The following ASAP1 variants were observed in gnomAD, a reference collection of about 807,000 sequenced individuals.
The protein encoded by ASAP1 is arf-GAP with SH3 domain, ANK repeat and PH domain-containing protein 1.
ASAP1 carries 43 observed loss-of-function variants against 145.2 expected under a neutral mutation model. That is an observed-to-expected ratio of 0.30 (90% CI 0.23 to 0.38). The LOEUF (loss-of-function observed/expected upper bound fraction) is 0.38, where lower values mean the gene tolerates loss of function less well. Among genes scored for constraint, ASAP1 ranks in the 10% least tolerant of loss-of-function variants. The pLI is 1.00. For synonymous variants in ASAP1, 546 were observed against 515.5 expected (o/e 1.06, Z -0.80); for missense variants, 1,018 against 1,355.3 (o/e 0.75, Z 3.91).
intron 3 of ASAP1, among the ~76,000 whole-genome samples, chr8:130,298,881 T>C (rs2137393040): frequency 6.6e-6 from 1 of 152,276 alleles, no homozygotes; most frequent in East Asian, 1.9e-4. Context: ...CTCCTGTTTA[T>C]TCATATGTCT....
chr8:130,256,739 T>TTATATATATATATATA (rs58245112), intron 3 of ASAP1, among the ~76,000 whole-genome samples: 6 of 95,892 alleles, frequency 6.3e-5, no homozygotes, highest in African/African-American at 1.3e-4. Flanking sequence ...ATACACATTC[T>TTATATATATATATATA]TATATATATA....
chr8:130,080,459 C>A (rs954723533), intron 25 of ASAP1, among the ~76,000 whole-genome samples: 18 of 148,178 alleles, frequency 1.2e-4, no homozygotes, highest in Non-Finnish European at 4.5e-5. Context: ...CACTTACTGA[C>A]TCGTCATTCA....
At position 130,187,247 on chromosome 8, in the gene ASAP1, A is replaced by G. The variant is rs1814796723; in HGVS notation, c.519T>C (p.Tyr173=). Residue 173 remains tyrosine, a synonymous_variant, in exon 7 of 30, where the codon TAT becomes TAC. Coordinates refer to ENST00000518721, the MANE Select transcript of ASAP1 (RefSeq NM_018482.4). Reference sequence around the variant, plus strand: ...AAAAAACCACTTACAACTTTGTCTCATAATCTTTCCAGGCTTTGTCAAATG... The same window carrying G: ...AAAAAACCACTTACAACTTTGTCTCGTAATCTTTCCAGGCTTTGTCAAATG... ...KKPFDKAWKD[Y]ETKFTKIEKE... is the part of the protein sequence containing the mutation. 2 of 1,608,846 alleles carry G rather than the reference A, an allele frequency of 1.2e-6. No individual in the cohort carries two copies. Among genetic ancestry groups the G allele is most frequent in the African/African-American group, 1.3e-5 (1 of 74,744 alleles).
At chr8:130,307,282 A>G (rs1042940860) in intron 3 of ASAP1, among the ~76,000 whole-genome samples, 4 of 151,354 alleles carry the variant, frequency 2.6e-5, no homozygotes, top group Non-Finnish European at 5.9e-5. Flanking sequence ...TATTTCTTGA[A>G]TAAGTGAATA....
intron 7 of ASAP1, among the ~76,000 whole-genome samples, chr8:130,182,762 A>C (rs1210088103): frequency 6.6e-6 from 1 of 151,426 alleles, no homozygotes; most frequent in Non-Finnish European, 1.5e-5. Flanking sequence ...AAAACATTTT[A>C]CAAAATGTCA....
At chr8:130,187,104 T>TA (rs1814785225) in intron 7 of ASAP1, 132 bp downstream of exon 7, 4 of 737,222 alleles carry the variant, frequency 5.4e-6, no homozygotes. Flanking sequence ...GAGGATATAC[T>TA]AAACAGGTTT....
intron 13 of ASAP1, among the ~76,000 whole-genome samples, chr8:130,149,652 C>T (rs1190052354): frequency 6.6e-6 from 1 of 152,194 alleles, no homozygotes; most frequent in Non-Finnish European, 1.5e-5. Flanking sequence ...GTCCCAAACA[C>T]CTCAAGTTTT....
intron 3 of ASAP1, among the ~76,000 whole-genome samples, chr8:130,311,960 A>C (rs775880320): frequency 1.3e-5 from 2 of 152,178 alleles, no homozygotes; most frequent in Non-Finnish European, 2.9e-5. Flanking sequence ...CTAAATGAGA[A>C]GATCCGAATT....
intron 3 of ASAP1, among the ~76,000 whole-genome samples, chr8:130,326,188 G>A (rs1266624758): frequency 6.6e-6 from 1 of 152,186 alleles, no homozygotes; most frequent in Non-Finnish European, 1.5e-5. Flanking sequence ...GTGCCTCACT[G>A]CCGACTTCCC....
At position 130,136,835 on chromosome 8, in the gene ASAP1, C is replaced by T. The variant is rs1488071728; in HGVS notation, c.1168+116G>A. The T allele has an allele frequency of 5.8e-6, 5 of 866,890 alleles. No homozygotes were observed. In the African/African-American group the frequency reaches 6.7e-5, roughly 12 times the overall value. The allele number at this position is 866,890 out of a possible 1,614,324, so 53.7% of individuals were successfully genotyped here. A position where few individuals can be genotyped will look rare whatever the true frequency, so the allele number is the denominator to read the frequency against. On this transcript the variant is annotated intron_variant, in intron 14 of 29. Transcript: ENST00000518721. ...CCTAGAGCAGCACATGCAGGAATAA[C>T]TGTTCCAATGCCAACTGTGAGGAGC...
At chr8:130,111,314 C>T (rs775942982) in intron 24 of ASAP1, among the ~76,000 whole-genome samples, 7 of 151,622 alleles carry the variant, frequency 4.6e-5, no homozygotes, top group South Asian at 2.1e-4. Context: ...ACTTGAGCCC[C>T]GGAGATGGAG....
chr8:130,187,172 TG>T, intron 7 of ASAP1, 63 bp downstream of exon 7: 8 of 1,427,348 alleles, frequency 5.6e-6, no homozygotes, highest in Non-Finnish European at 7.7e-6. Context: ...TTTTTTTTTT[TG>T]TTGTCCAAAA....
chr8:130,397,788 T>C (rs1490846755), intron 2 of ASAP1, among the ~76,000 whole-genome samples: 1 of 152,234 alleles, frequency 6.6e-6, no homozygotes, highest in African/African-American at 2.4e-5. Flanking sequence ...CTGGGTTAGC[T>C]TCCATGCCCC....
chr8:130,272,395 G>C (rs184808736), intron 3 of ASAP1, among the ~76,000 whole-genome samples: 21 of 152,216 alleles, frequency 1.4e-4, no homozygotes, highest in African/African-American at 5.1e-4. Context: ...TCGTTGGTAG[G>C]AATCTAAATT....
At chr8:130,294,543 G>C (rs1017773540) in intron 3 of ASAP1, among the ~76,000 whole-genome samples, 3 of 152,194 alleles carry the variant, frequency 2.0e-5, no homozygotes, top group Non-Finnish European at 2.9e-5. Flanking sequence ...GACAGCAATA[G>C]CACCTTCATG....
intron 3 of ASAP1, among the ~76,000 whole-genome samples, chr8:130,282,070 A>G (rs1258017189): frequency 1.1e-4 from 6 of 52,586 alleles, no homozygotes; most frequent in South Asian, 2.5e-3. Context: ...CTCTGCCTCG[A>G]AAAAAAAAAA....
At chr8:130,301,953 C>T (rs1822698075) in intron 3 of ASAP1, among the ~76,000 whole-genome samples, 1 of 152,230 alleles carries the variant, frequency 6.6e-6, no homozygotes, top group Admixed American at 6.5e-5. Context: ...AGACTGTAAC[C>T]TCCACGATGG....
chr8:130,061,991 T>C (rs1184601846), intron 27 of ASAP1, among the ~76,000 whole-genome samples: 1 of 152,216 alleles, frequency 6.6e-6, no homozygotes, highest in Non-Finnish European at 1.5e-5. Context: ...AATTTACTGA[T>C]CTCTTAAAAC....
intron 15 of ASAP1, among the ~76,000 whole-genome samples, chr8:130,130,666 A>G (rs762635234): frequency 6.6e-6 from 1 of 152,240 alleles, no homozygotes; most frequent in Non-Finnish European, 1.5e-5. Flanking sequence ...AGGGCTTTAC[A>G]TAGCTTATCC....
Sources: allele counts gnomAD v4.1 joint callset (sites outside exome capture counted in the v4.1 genomes callset), GRCh38; gene constraint gnomAD v4.1.1; transcripts MANE v1.5; gene names NCBI Gene and HGNC (gene_info 2026-07-23, HGNC 2026-07-21).